The following CUBN variants were observed in gnomAD, a reference collection of about 807,000 sequenced individuals.
CUBN encodes cubilin, also known as 460 kDa receptor.
CUBN carries 282 observed loss-of-function variants against 405.3 expected under a neutral mutation model. The ratio of observed to expected loss-of-function variants is 0.70; its 90% confidence interval spans 0.63 to 0.77. The LOEUF (loss-of-function observed/expected upper bound fraction) is 0.77, where lower values mean the gene tolerates loss of function less well. Among genes scored for constraint, CUBN ranks in the 30% least tolerant of loss-of-function variants. The probability of loss-of-function intolerance (pLI) is 0.00; values close to 1 mark genes in which losing one functional copy is unlikely to be tolerated. For missense variants in CUBN, 4,514 were observed against 4,475.2 expected (o/e 1.01, Z -0.25); for synonymous variants, 1,684 against 1,617.0 (o/e 1.04, Z -0.99).
intron 10 of CUBN, 134 bp from the exon 11 acceptor site, chr10:17,105,709 A>G: frequency 1.5e-6 from 1 of 681,822 alleles, no homozygotes. Context: ...GGCAGACAAA[A>G]CAAGGTATGA....
At chr10:17,097,394 T>C (rs75257544) in intron 14 of CUBN, among the ~76,000 whole-genome samples, 2 of 152,220 alleles carry the variant, frequency 1.3e-5, no homozygotes, top group African/African-American at 2.4e-5. Context: ...ATTAAATACA[T>C]TGAATCATAA....
chr10:16,831,876 T>C (rs1351521242), intron 64 of CUBN, among the ~76,000 whole-genome samples: 6 of 152,158 alleles, frequency 3.9e-5, no homozygotes, highest in African/African-American at 7.2e-5. Context: ...GTGTTTCCCA[T>C]TGAAAATTAC....
intron 24 of CUBN, 137 bp from the exon 25 acceptor site, chr10:17,045,325 G>T: frequency 2.6e-6 from 2 of 771,460 alleles, no homozygotes; most frequent in Non-Finnish European, 4.2e-6. Flanking sequence ...TGAAAGAGTA[G>T]TTATAGCCTA....
chr10:16,826,326 T>A (rs1838781247), intron 66 of CUBN, among the ~76,000 whole-genome samples: 1 of 148,670 alleles, frequency 6.7e-6, no homozygotes, highest in African/African-American at 2.5e-5. Context: ...TTGAATTGTA[T>A]ACTTAAGGAG....
At chr10:16,837,495 T>C (rs1425494543) in intron 62 of CUBN, among the ~76,000 whole-genome samples, 2 of 152,218 alleles carry the variant, frequency 1.3e-5, no homozygotes, top group Admixed American at 6.5e-5. Context: ...TCTCAGCTCA[T>C]AGTCATCTCC....
chr10:16,945,065 G>C (rs531573914), intron 36 of CUBN, among the ~76,000 whole-genome samples: 12 of 152,076 alleles, frequency 7.9e-5, no homozygotes, highest in Non-Finnish European at 1.5e-4. Context: ...TAATTAAATA[G>C]CTTCTTAATG....
chr10:17,115,429 C>T, intron 7 of CUBN, 42 bp downstream of exon 7: 1 of 1,612,300 alleles, frequency 6.2e-7, no homozygotes, highest in South Asian at 1.1e-5. Flanking sequence ...AGCTACTAAC[C>T]ATGGCTCTCT....
intron 14 of CUBN, among the ~76,000 whole-genome samples, chr10:17,098,081 G>A (rs894901328): frequency 5.9e-5 from 9 of 152,224 alleles, no homozygotes; most frequent in Admixed American, 2.0e-4. Context: ...CAATTGCCAC[G>A]AAGAAAGTTT....
At chr10:17,034,790 G>A (rs186841155) in intron 27 of CUBN, among the ~76,000 whole-genome samples, 17 of 152,210 alleles carry the variant, frequency 1.1e-4, no homozygotes, top group African/African-American at 3.9e-4. Context: ...GAGTGGCGAC[G>A]GGGAGACTGT....
intron 31 of CUBN, among the ~76,000 whole-genome samples, chr10:16,967,115 G>C (rs1843414202): frequency 6.6e-6 from 1 of 152,188 alleles, no homozygotes; most frequent in Non-Finnish European, 1.5e-5. Flanking sequence ...TCTTGGGGCT[G>C]AGGAAGGAGG....
Position 16,851,914 on chromosome 10 carries a change from T to TTCCC in CUBN, c.9455-475_9455-472dup, listed in dbSNP as rs199731704. On this transcript the variant is annotated intron_variant, in intron 59 of 66. Transcript: ENST00000377833. ...CATCTTTCCCTCCCTGACTCTATCT[T>TTCCC]TCCCTCCCTCCCTCTATCTTTCCCT... Among the ~76,000 whole-genome samples the TTCCC allele has an allele frequency of 6.3e-3, 606 of 95,700 alleles. 22 individuals are homozygous for TTCCC. The highest frequency in any genetic ancestry group is 0.011 in the Non-Finnish European group (482 of 44,942). The allele number at this position is 95,700 out of a possible 152,430, so 62.8% of individuals were successfully genotyped here.
At chr10:16,919,870 A>G in intron 44 of CUBN, 93 bp downstream of exon 44, 2 of 1,294,050 alleles carry the variant, frequency 1.5e-6, no homozygotes, top group Non-Finnish European at 2.2e-6. Context: ...TCCTTGCAGT[A>G]TGTGCTACTG....
intron 17 of CUBN, among the ~76,000 whole-genome samples, chr10:17,076,864 G>A (rs568205037): frequency 5.9e-5 from 9 of 152,304 alleles, no homozygotes; most frequent in African/African-American, 1.9e-4. Flanking sequence ...AAACTAACCT[G>A]CTATTGTGAG....
At chr10:17,045,815 T>C in intron 24 of CUBN, 119 bp downstream of exon 24, 2 of 975,720 alleles carry the variant, frequency 2.0e-6, no homozygotes, top group Middle Eastern at 2.1e-4. Context: ...ATTTGCAATA[T>C]TGAAGTTTAA....
At chr10:16,922,915 T>C (rs1212244156) in intron 43 of CUBN, among the ~76,000 whole-genome samples, 2 of 151,528 alleles carry the variant, frequency 1.3e-5, no homozygotes, top group Non-Finnish European at 2.9e-5. Context: ...AGTGGTATGA[T>C]CGTGGCTCAC....
rs369627387 is a variant in CUBN, at chr10:17,126,811, G to A, written c.349-12C>T. ...TCAAGATCCACCAGCTGGCAATAGG[G>A]AAGAAAAAGCTTCAGTTAGCTGGTT... On this transcript the variant is annotated splice_polypyrimidine_tract_variant and intron_variant, in intron 3 of 66. Transcript: ENST00000377833. The A allele has an allele frequency of 1.2e-6, 2 of 1,614,092 alleles. No individual in the cohort carries two copies. Among genetic ancestry groups the A allele is most frequent in the African/African-American group, 1.3e-5 (1 of 75,034 alleles).
At chr10:17,037,139 T>C (rs549462853) in intron 27 of CUBN, among the ~76,000 whole-genome samples, 2 of 152,380 alleles carry the variant, frequency 1.3e-5, no homozygotes, top group Non-Finnish European at 2.9e-5. Flanking sequence ...TGAATAGTGC[T>C]ATTCCAAAAG....
intron 27 of CUBN, among the ~76,000 whole-genome samples, chr10:17,039,422 G>A (rs997028493): frequency 6.6e-6 from 1 of 152,136 alleles, no homozygotes; most frequent in Non-Finnish European, 1.5e-5. Flanking sequence ...AAGTGCCTGG[G>A]TTACAAAGTT....
At position 17,085,566 on chromosome 10, in the gene CUBN, C is replaced by T. The variant is rs1564509520; in HGVS notation, c.2110+31G>A. ...AAGCATAGCATTGGCCTTCAAATCCCTCTTAAGCCCCCAACTGGTAGGTTA... is the reference window on the plus strand; with the variant it reads ...AAGCATAGCATTGGCCTTCAAATCCTTCTTAAGCCCCCAACTGGTAGGTTA... On this transcript the variant is annotated intron_variant, in intron 16 of 66. Coordinates refer to ENST00000377833, the MANE Select transcript of CUBN (RefSeq NM_001081.4). The T allele has an allele frequency of 3.1e-6, 5 of 1,607,270 alleles. No individual in the cohort carries two copies. The South Asian group carries it at 3.3e-5, about 11-fold the overall frequency.
Sources: allele counts gnomAD v4.1 joint callset (sites outside exome capture counted in the v4.1 genomes callset), GRCh38; gene constraint gnomAD v4.1.1; transcripts MANE v1.5; gene names NCBI Gene and HGNC (gene_info 2026-07-23, HGNC 2026-07-21).